SEMA5A: variants seen among roughly 807,000 people sequenced by gnomAD.
SEMA5A encodes semaphorin-5A.
In SEMA5A, 55 loss-of-function variants were observed where a neutral mutation model predicts 135.5. The observed-to-expected ratio is 0.41, with a 90% CI of 0.33 to 0.51. SEMA5A has a LOEUF of 0.51. Ranked by LOEUF, SEMA5A falls within the 20% of genes least tolerant of loss-of-function variation. SEMA5A has a pLI of 0.37. For synonymous variants in SEMA5A, 580 were observed against 546.5 expected (o/e 1.06, Z -0.85); for missense variants, 1,290 against 1,419.9 (o/e 0.91, Z 1.47).
At chr5:9,344,262 G>T (rs1579380209) in intron 3 of SEMA5A, among the ~76,000 whole-genome samples, 3 of 152,122 alleles carry the variant, frequency 2.0e-5, no homozygotes. Context: ...CTGAAATTTT[G>T]ACAAGTTAAA....
intron 1 of SEMA5A, among the ~76,000 whole-genome samples, chr5:9,440,199 G>A (rs1467171366): frequency 6.6e-6 from 1 of 152,350 alleles, no homozygotes; most frequent in East Asian, 1.9e-4. Flanking sequence ...TCCAGAAGCA[G>A]AGCCCCCGTG....
At chr5:9,430,095 C>CA (rs1346266457) in intron 2 of SEMA5A, among the ~76,000 whole-genome samples, 1 of 152,000 alleles carries the variant, frequency 6.6e-6, no homozygotes, top group East Asian at 1.9e-4. Flanking sequence ...ATATGTTGAA[C>CA]AAAAAAACGA....
intron 2 of SEMA5A, among the ~76,000 whole-genome samples, chr5:9,381,613 G>C (rs1434446000): frequency 6.6e-6 from 1 of 152,166 alleles, no homozygotes; most frequent in East Asian, 1.9e-4. Context: ...CCATGCTAGA[G>C]AGAACACATT....
chr5:9,233,394 T>C (rs1234694660), intron 6 of SEMA5A, among the ~76,000 whole-genome samples: 5 of 152,208 alleles, frequency 3.3e-5, no homozygotes, highest in African/African-American at 7.2e-5. Context: ...TATAATGCTA[T>C]GTCCAGAAGA....
At position 9,319,505 on chromosome 5, in the gene SEMA5A, A is replaced by C. The variant is rs1359050681; in HGVS notation, c.225-1088T>G. Among the ~76,000 whole-genome samples the C allele has an allele frequency of 2.0e-5, 3 of 152,324 alleles. No individual in the cohort carries two copies. The East Asian group carries it at 5.8e-4, about 29-fold the overall frequency. ...TTTGGACTCTAGTGTTGTAGGTTTT[A>C]GAAACAACTCATTAACCTACCTCAG... is the stretch of plus-strand genomic sequence containing the variant. On this transcript the variant is annotated intron_variant, in intron 4 of 22. Coordinates refer to ENST00000382496, the MANE Select transcript of SEMA5A (RefSeq NM_003966.3).
chr5:9,171,633 C>A (rs1292013199), intron 11 of SEMA5A, among the ~76,000 whole-genome samples: 1 of 152,104 alleles, frequency 6.6e-6, no homozygotes, highest in East Asian at 1.9e-4. Context: ...GAATCTCAGG[C>A]CAGTTCTTAT....
intron 2 of SEMA5A, among the ~76,000 whole-genome samples, chr5:9,381,564 C>T (rs998012845): frequency 1.3e-5 from 2 of 152,178 alleles, no homozygotes; most frequent in Admixed American, 6.5e-5. Flanking sequence ...CTTTAAGACA[C>T]TGAGACACTA....
intron 16 of SEMA5A, among the ~76,000 whole-genome samples, chr5:9,088,273 C>A (rs1205987343): frequency 2.9e-5 from 4 of 139,970 alleles, no homozygotes; most frequent in Non-Finnish European, 6.0e-5. Flanking sequence ...CACTGCACTC[C>A]AGCCTGGCAA....
At chr5:9,153,357 G>C (rs1249434245) in intron 12 of SEMA5A, among the ~76,000 whole-genome samples, 1 of 152,192 alleles carries the variant, frequency 6.6e-6, no homozygotes, top group African/African-American at 2.4e-5. Context: ...GTAAAGTGCT[G>C]GTCAGGTGTG....
intron 3 of SEMA5A, among the ~76,000 whole-genome samples, chr5:9,357,771 C>T (rs1359529829): frequency 6.6e-6 from 1 of 152,160 alleles, no homozygotes; most frequent in African/African-American, 2.4e-5. Flanking sequence ...CACTCCAAAG[C>T]CCCATGTGAA....
chr5:9,338,650 T>C (rs184927866), intron 3 of SEMA5A, among the ~76,000 whole-genome samples: 128 of 152,278 alleles, frequency 8.4e-4, no homozygotes, highest in African/African-American at 2.9e-3. Context: ...TAACATCTGA[T>C]TGTCGTTTTT....
At chr5:9,503,736 G>A (rs1735711103) in intron 1 of SEMA5A, among the ~76,000 whole-genome samples, 1 of 152,088 alleles carries the variant, frequency 6.6e-6, no homozygotes, top group Admixed American at 6.5e-5. Context: ...TTCATTGCCC[G>A]CCACACTGGG....
chr5:9,163,996 TATATA>T (rs1337995354), intron 11 of SEMA5A, among the ~76,000 whole-genome samples: 6 of 144,306 alleles, frequency 4.2e-5, no homozygotes, highest in Non-Finnish European at 6.0e-5. Flanking sequence ...ATATATTATG[TATATA>T]ATATAATATA....
chr5:9,122,646 A>G lies in SEMA5A; in HGVS notation c.1781+10T>C. ...ACAGCAGCACAACTGGCGTGTTCTG[A>G]GCGGCACACCTGGAACAGTTGGCGA... is the stretch of plus-strand genomic sequence containing the variant. On this transcript the variant is annotated intron_variant, in intron 14 of 22. Transcript: ENST00000382496. 6.3e-7 allele frequency: 1 copy of G among 1,580,676 alleles called. No homozygotes were observed. Among genetic ancestry groups the G allele is most frequent in the Non-Finnish European group, 8.6e-7 (1 of 1,159,526 alleles).
intron 1 of SEMA5A, among the ~76,000 whole-genome samples, chr5:9,495,193 T>C (rs1336483884): frequency 6.6e-6 from 1 of 152,208 alleles, no homozygotes; most frequent in Non-Finnish European, 1.5e-5. Context: ...TCTTCAGGGA[T>C]ACCTGGCGTC....
rs141020837 is a variant in SEMA5A, at chr5:9,079,710, A to G, written c.2074-13064T>C. The stretch of plus-strand genomic sequence containing the variant: ...TAAACAAATGTACAAGAAAAAAACA[A>G]ACAACCCCATCAAAAAGTGGGTGAA... On this transcript the variant is annotated intron_variant, in intron 16 of 22. Transcript: ENST00000382496. Among the ~76,000 whole-genome samples the G allele has an allele frequency of 2.2e-3, 338 of 152,292 alleles. 1 individual carries two copies. The highest frequency in any genetic ancestry group is 7.7e-3 in the African/African-American group (320 of 41,576).
In SEMA5A at chr5:9,073,073, G is replaced by T. The variant is rs530995676; in HGVS notation, c.2074-6427C>A. Among the ~76,000 whole-genome samples the T allele has an allele frequency of 7.9e-5, 12 of 152,220 alleles. No homozygotes were observed. In the South Asian group the frequency reaches 1.2e-3, roughly 16 times the overall value. ...TTTGCAGATAATTGCAAACGAGACAGTATCTCCCAAGTCATTCTATGAGGC... is the reference window on the plus strand; with the variant it reads ...TTTGCAGATAATTGCAAACGAGACATTATCTCCCAAGTCATTCTATGAGGC... On this transcript the variant is annotated intron_variant, in intron 16 of 22. Coordinates refer to ENST00000382496, the MANE Select transcript of SEMA5A (RefSeq NM_003966.3).
At chr5:9,111,206 T>G (rs937371582) in intron 15 of SEMA5A, among the ~76,000 whole-genome samples, 1 of 152,158 alleles carries the variant, frequency 6.6e-6, no homozygotes, top group African/African-American at 2.4e-5. Context: ...ATTTCTAAGC[T>G]GATTCACCAG....
At chr5:9,264,693 G>T (rs1443122545) in intron 5 of SEMA5A, among the ~76,000 whole-genome samples, 1 of 152,124 alleles carries the variant, frequency 6.6e-6, no homozygotes, top group Non-Finnish European at 1.5e-5. Context: ...TTAATGTTCA[G>T]TTTGCCCTTG....
Sources: allele counts gnomAD v4.1 joint callset (sites outside exome capture counted in the v4.1 genomes callset), GRCh38; gene constraint gnomAD v4.1.1; transcripts MANE v1.5; gene names NCBI Gene and HGNC (gene_info 2026-07-23, HGNC 2026-07-21).